The following ZSCAN1 variants were observed in gnomAD, a reference collection of about 807,000 sequenced individuals.
The protein encoded by ZSCAN1 is zinc finger and SCAN domain-containing protein 1.
ZSCAN1 carries 23 observed loss-of-function variants against 23.8 expected under a neutral mutation model. The ratio of observed to expected loss-of-function variants is 0.97; its 90% CI spans 0.70 to 1.37. The LOEUF is 1.37. Ranked by LOEUF, ZSCAN1 falls within the 40% of genes most tolerant of loss-of-function variation. The pLI, the probability that ZSCAN1 is intolerant of heterozygous loss-of-function variation, is 0.00. For missense variants in ZSCAN1, 575 were observed against 554.0 expected (o/e 1.04, Z -0.38); for synonymous variants, 236 against 232.3 (o/e 1.02, Z -0.15).
In ZSCAN1 at chr19:58,038,118, G is replaced by A; in HGVS notation, c.282G>A (p.Met94Ile). ...TCCTGGGCGCGCTGCCCAGCAAGATGCGGACCTGGGTGCAGTCACAGGGCC... is the reference window on the plus strand; with the variant it reads ...TCCTGGGCGCGCTGCCCAGCAAGATACGGACCTGGGTGCAGTCACAGGGCC... ...EQFLGALPSK[M>I]RTWVQSQGPR... Residue 94 changes from methionine (M) to isoleucine (I), a missense_variant, in exon 3 of 6, where the codon ATG becomes ATA. Transcript: ENST00000282326. 1.2e-6 allele frequency: 2 copies of A among 1,610,674 alleles called. No homozygotes were observed. Among genetic ancestry groups the A allele is most frequent in the Non-Finnish European group, 8.5e-7 (1 of 1,179,688 alleles).
At position 58,037,915 on chromosome 19, in the gene ZSCAN1, G is replaced by A. The variant is rs1180984154; in HGVS notation, c.79G>A (p.Gly27Arg). The A allele has an allele frequency of 2.5e-6, 4 of 1,598,592 alleles. No individual in the cohort carries two copies. The highest frequency in any genetic ancestry group is 2.5e-6 in the Non-Finnish European group (3 of 1,177,722). ...PTPSEQDADP[G>R]PASPRDTEAQ... Reference sequence around the variant, plus strand: ...CCCGAGTGAGCAGGACGCAGACCCTGGGCCAGCAAGCCCCAGGGACACCGA... The same window carrying A: ...CCCGAGTGAGCAGGACGCAGACCCTAGGCCAGCAAGCCCCAGGGACACCGA... Residue 27 changes from glycine to arginine, a missense_variant, in exon 3 of 6, where the codon GGG (glycine) becomes AGG (arginine). By Grantham distance (125) the Gly-to-Arg change is moderately radical (BLOSUM62 -2). Transcript: ENST00000282326.
chr19:58,046,429 A>T, intron 4 of ZSCAN1: 1 of 856,592 alleles, frequency 1.2e-6, no homozygotes, highest in Non-Finnish European at 2.0e-6. Context: ...CAACGGCTTG[A>T]TCTCGCAGCT....
intron 4 of ZSCAN1, among the ~76,000 whole-genome samples, chr19:58,042,885 T>C (rs972595143): frequency 1.3e-5 from 2 of 152,204 alleles, no homozygotes; most frequent in African/African-American, 2.4e-5. Context: ...AGGATCCTCG[T>C]TGGCGCTGGT....
chr19:58,055,430 T>G (rs1306145778), downstream of ZSCAN1, among the ~76,000 whole-genome samples: 2 of 152,200 alleles, frequency 1.3e-5, no homozygotes, highest in African/African-American at 4.8e-5. Context: ...ATCCCCAGCT[T>G]TTCCCTGCAG....
chr19:58,054,541 A>T lies in ZSCAN1; in HGVS notation c.*490A>T, dbSNP rs1190934866. 1 of 155,476 alleles carries T rather than the reference A, an allele frequency of 6.4e-6. No individual in the cohort carries two copies. The highest frequency in any genetic ancestry group is 1.9e-4 in the East Asian group (1 of 5,244). 9.6% of individuals were successfully genotyped at this position (155,476 alleles called of 1,614,324 possible). On this transcript the variant is annotated 3_prime_UTR_variant, in exon 6 of 6. Coordinates refer to ENST00000282326, the MANE Select transcript of ZSCAN1 (RefSeq NM_182572.4). The surrounding 1 kb of genome is among the most constrained non-coding windows in gnomAD (Gnocchi z 4.2). ...TTAGCCCCCTTGGAACCTAACAGATAAACAGGGTTTTGTTTTTTTCCTTTT... is the reference window on the plus strand; with the variant it reads ...TTAGCCCCCTTGGAACCTAACAGATTAACAGGGTTTTGTTTTTTTCCTTTT...
Position 58,053,549 on chromosome 19 carries a change from G to C in ZSCAN1, c.725G>C (p.Ser242Thr), listed in dbSNP as rs2073872411. The C allele has an allele frequency of 1.2e-6, 2 of 1,614,084 alleles. No homozygotes were observed. Among genetic ancestry groups the C allele is most frequent in the Non-Finnish European group, 1.7e-6 (2 of 1,180,048 alleles). Residue 242 changes from serine (S) to threonine (T), a missense_variant, in exon 6 of 6, where the codon AGT (serine) becomes ACT (threonine). Physicochemically the swap from Ser to Thr is moderately conservative, Grantham distance 58. Transcript: ENST00000282326. This position sits in a 1 kb window ranked among gnomAD's most constrained non-coding sequence, Gnocchi z 5.8. ...GTVISSPKGP[S>T]AQRISPRRRN... ...GTGATCTCGAGCCCCAAGGGTCCAA[G>C]TGCTCAGAGAATCAGTCCCCGAAGG... is the stretch of plus-strand genomic sequence containing the variant.
chr19:58,044,508 G>A (rs1320409668), intron 4 of ZSCAN1: 1 of 427,078 alleles, frequency 2.3e-6, no homozygotes. Flanking sequence ...GAGCCACCGA[G>A]ACGGCGAAGA....
intron 4 of ZSCAN1, among the ~76,000 whole-genome samples, chr19:58,042,860 G>T (rs968511635): frequency 8.5e-5 from 13 of 152,336 alleles, no homozygotes; most frequent in African/African-American, 3.1e-4. Context: ...TCCCACCAGG[G>T]CCGCTGTGGC....
At chr19:58,039,918 A>T (rs968695411) in intron 3 of ZSCAN1, among the ~76,000 whole-genome samples, 1 of 151,018 alleles carries the variant, frequency 6.6e-6, no homozygotes, top group African/African-American at 2.5e-5. Flanking sequence ...AAAAATAAAT[A>T]GGGGGGGGTC....
rs1265793225 is a variant in ZSCAN1 at position 58,046,734 on chromosome 19, A to G, written c.466-5756A>G. 1.7e-5 allele frequency: 13 copies of G among 785,748 alleles called. No individual in the cohort carries two copies. In the East Asian group the frequency reaches 2.2e-4, roughly 13 times the overall value. The allele number at this position is 785,748 out of a possible 1,614,324, so 48.7% of individuals were successfully genotyped here. Reference sequence around the variant, plus strand: ...AAGAGGAGAAAGGGTGGAGAAGGAGAAGGTGGAGAAGGAGGTTGCAGAGGT... The same window carrying G: ...AAGAGGAGAAAGGGTGGAGAAGGAGGAGGTGGAGAAGGAGGTTGCAGAGGT... On this transcript the variant is annotated intron_variant, in intron 4 of 5. Transcript: ENST00000282326.
intron 3 of ZSCAN1, among the ~76,000 whole-genome samples, chr19:58,039,349 A>G (rs1261663125): frequency 6.6e-6 from 1 of 152,206 alleles, no homozygotes; most frequent in Non-Finnish European, 1.5e-5. Context: ...GGTCACTCTC[A>G]AAATTCAACG....
rs1006621054 is a variant in ZSCAN1, at chr19:58,037,854, A to G, written c.18A>G (p.Lys6=). The G allele has an allele frequency of 1.3e-6, 2 of 1,503,494 alleles. No individual in the cohort carries two copies. Among genetic ancestry groups the G allele is most frequent in the Admixed American group, 4.2e-5 (2 of 47,482 alleles). 93.1% of individuals were successfully genotyped at this position (1,503,494 alleles called of 1,614,324 possible). MLPRP[K]APASPRRPQT... ...CCAGAGAAATGCTTCCACGGCCCAA[A>G]GCCCCTGCCTCCCCCAGACGCCCCC... Residue 6 remains lysine, a synonymous_variant, in exon 3 of 6, where the codon AAA becomes AAG. Transcript: ENST00000282326.
intron 4 of ZSCAN1, chr19:58,046,261 G>C: frequency 1.3e-6 from 1 of 779,304 alleles, no homozygotes; most frequent in Non-Finnish European, 2.4e-6. Context: ...CAGGAAGAAG[G>C]AGGAGCTGGA....
chr19:58,038,731 T>C (rs1007624503), intron 3 of ZSCAN1, among the ~76,000 whole-genome samples: 36 of 152,270 alleles, frequency 2.4e-4, no homozygotes, highest in Non-Finnish European at 7.3e-5. Flanking sequence ...GGCTTTGTCC[T>C]TCTGCATCTT....
At position 58,052,612 on chromosome 19, in the gene ZSCAN1, C is replaced by T. The variant is rs563031274; in HGVS notation, c.588C>T (p.Arg196=). The change falls in exon 5 of 6, where the codon CGC becomes CGT. Residue 196 remains arginine (R), a synonymous_variant. Coordinates refer to ENST00000282326, the MANE Select transcript of ZSCAN1 (RefSeq NM_182572.4). Reference sequence around the variant, plus strand: ...CCAGGGCGGAGGCCGAAGCGCCCCGCGCCCCTGGCTTGCTGGGTGAGTCTG... The same window carrying T: ...CCAGGGCGGAGGCCGAAGCGCCCCGTGCCCCTGGCTTGCTGGGTGAGTCTG... ...LHTRAEAEAP[R]APGLLGSRAR... is the part of the protein sequence containing the mutation. 5.5e-5 allele frequency: 88 copies of T among 1,605,578 alleles called. No individual in the cohort carries two copies. The highest frequency in any genetic ancestry group is 1.8e-4 in the South Asian group (16 of 90,156).
chr19:58,045,092 C>T lies in ZSCAN1; in HGVS notation c.465+4548C>T, dbSNP rs1051779297. The stretch of plus-strand genomic sequence containing the variant: ...TGAGGCACTACTACCATGGCTTCCG[C>T]CTGCTACGGATCCACACCAAGATCG... On this transcript the variant is annotated intron_variant, in intron 4 of 5. Coordinates refer to ENST00000282326, the MANE Select transcript of ZSCAN1 (RefSeq NM_182572.4). This position sits in a 1 kb window ranked among gnomAD's most constrained non-coding sequence, Gnocchi z 4.3. 2.1e-5 allele frequency: 26 copies of T among 1,228,784 alleles called. No homozygotes were observed. In the African/African-American group the frequency reaches 3.8e-4, roughly 18 times the overall value. The allele number at this position is 1,228,784 out of a possible 1,614,324, so 76.1% of individuals were successfully genotyped here. A position where few individuals can be genotyped will look rare whatever the true frequency, so the allele number is the denominator to read the frequency against.
At position 58,037,881 on chromosome 19, in the gene ZSCAN1, G is replaced by A; in HGVS notation, c.45G>A (p.Gln15=). 1.7e-6 allele frequency: 2 copies of A among 1,185,602 alleles called. No homozygotes were observed. The highest frequency in any genetic ancestry group is 2.3e-6 in the Non-Finnish European group (2 of 864,650). The allele number at this position is 1,185,602 out of a possible 1,614,324, so 73.4% of individuals were successfully genotyped here. A position where few individuals can be genotyped will look rare whatever the true frequency, so the allele number is the denominator to read the frequency against. The change falls in exon 3 of 6, where the codon CAG becomes CAA. Residue 15 remains glutamine (Q), a synonymous_variant. Transcript: ENST00000282326. ...PKAPASPRRP[Q]TPTPSEQDAD... ...CCCCTGCCTCCCCCAGACGCCCCCAGACCCCAACCCCGAGTGAGCAGGACG... is the reference window on the plus strand; with the variant it reads ...CCCCTGCCTCCCCCAGACGCCCCCAAACCCCAACCCCGAGTGAGCAGGACG...
In ZSCAN1 at chr19:58,045,028, G is replaced by T; in HGVS notation, c.465+4484G>T. 1 of 1,127,356 alleles carries T rather than the reference G, an allele frequency of 8.9e-7. No homozygotes were observed. Among genetic ancestry groups the T allele is most frequent in the Non-Finnish European group, 1.3e-6 (1 of 742,122 alleles). 69.8% of individuals were successfully genotyped at this position (1,127,356 alleles called of 1,614,324 possible). Reference sequence around the variant, plus strand: ...TGTGTACAGCGCCCCCGCAGAGATGGTGGTGAAGTCCCGGGGGCAGAGAGG... The same window carrying T: ...TGTGTACAGCGCCCCCGCAGAGATGTTGGTGAAGTCCCGGGGGCAGAGAGG... On this transcript the variant is annotated intron_variant, in intron 4 of 5. Coordinates refer to ENST00000282326, the MANE Select transcript of ZSCAN1 (RefSeq NM_182572.4). This position sits in a 1 kb window ranked among gnomAD's most constrained non-coding sequence, Gnocchi z 4.3.
In ZSCAN1 at chr19:58,053,440, C is replaced by G; in HGVS notation, c.616C>G (p.Arg206Gly). The change falls in exon 6 of 6, where the codon CGC becomes GGC. Residue 206 changes from arginine to glycine, a missense_variant. By Grantham distance (125) the Arg-to-Gly change is moderately radical. Coordinates refer to ENST00000282326, the MANE Select transcript of ZSCAN1 (RefSeq NM_182572.4). This position sits in a 1 kb window ranked among gnomAD's most constrained non-coding sequence, Gnocchi z 5.8. ...CTCGCCCTCCACAGGGTCCCGGGCC[C>G]GCTTGCCTCTGAAGCCGAGTATCTG... ...RAPGLLGSRA[R>G]LPLKPSIWDE... is the part of the protein sequence containing the mutation. 6.2e-7 allele frequency: 1 copy of G among 1,610,204 alleles called. No individual in the cohort carries two copies. The highest frequency in any genetic ancestry group is 8.5e-7 in the Non-Finnish European group (1 of 1,177,122).
Sources: gnomAD v4.1 joint callset for allele counts (sites outside exome capture counted in the v4.1 genomes callset) on GRCh38, gnomAD v4.1.1 for gene constraint, Gnocchi (gnomAD v3.1) non-coding constraint, MANE v1.5 for transcripts, NCBI Gene and HGNC (gene_info 2026-07-23, HGNC 2026-07-21) for gene names.